LSAMP: variants seen among roughly 807,000 people sequenced by gnomAD.
The protein encoded by LSAMP is limbic system associated membrane protein, also known as limbic system-associated membrane protein.
A neutral mutation model predicts 38.6 loss-of-function variants in LSAMP; 7 were observed. The observed-to-expected ratio is 0.18, with a 90% CI of 0.10 to 0.34. LSAMP has a LOEUF of 0.34. LSAMP is among the 10% of genes least tolerant of loss of function. The probability of loss-of-function intolerance (pLI) is 1.00; values close to 1 mark genes in which losing one functional copy is unlikely to be tolerated. For missense variants in LSAMP, 313 were observed against 420.0 expected (o/e 0.75, Z 2.23); for synonymous variants, 154 against 166.8 (o/e 0.92, Z 0.59).
intron 3 of LSAMP, among the ~76,000 whole-genome samples, chr3:115,890,280 A>G (rs1936562387): frequency 6.6e-6 from 1 of 151,952 alleles, no homozygotes; most frequent in Non-Finnish European, 1.5e-5. Flanking sequence ...ATATCGGAGC[A>G]TCAACCAGCT....
chr3:115,939,740 G>A (rs546854975), intron 3 of LSAMP, among the ~76,000 whole-genome samples: 1 of 152,036 alleles, frequency 6.6e-6, no homozygotes, highest in Admixed American at 6.6e-5. Context: ...TTTTATTTTT[G>A]TAGAGATGGG....
At chr3:116,086,923 T>G (rs72959752) in intron 1 of LSAMP, among the ~76,000 whole-genome samples, 16,372 of 152,110 alleles carry the variant, frequency 0.11, 2,834 homozygotes, top group African/African-American at 0.37. Context: ...TCATAGCACT[T>G]TTACTCCATC....
rs545325352 is a variant in LSAMP, at chr3:116,153,728, T to C, written c.156-67172A>G. Among the ~76,000 whole-genome samples, 30 of 152,246 alleles carry C rather than the reference T, an allele frequency of 2.0e-4. No individual in the cohort carries two copies. In the South Asian group the frequency reaches 5.8e-3, roughly 29 times the overall value. ...AAAAATTAAAACATAGTTTTAACTC[T>C]TTGGCTTTCACTTAAGCTTAAATTA... On this transcript the variant is annotated intron_variant, in intron 1 of 6. Coordinates refer to ENST00000490035, the MANE Select transcript of LSAMP (RefSeq NM_002338.5).
intron 6 of LSAMP, among the ~76,000 whole-genome samples, chr3:115,824,930 T>C (rs964857421): frequency 5.3e-5 from 8 of 152,334 alleles, no homozygotes; most frequent in African/African-American, 1.9e-4. Context: ...TTACATTCTT[T>C]CTGGTCTTAC....
At chr3:116,016,881 C>A (rs1940499084) in intron 3 of LSAMP, among the ~76,000 whole-genome samples, 1 of 152,038 alleles carries the variant, frequency 6.6e-6, no homozygotes, top group African/African-American at 2.4e-5. Context: ...ATGGAGCAGA[C>A]TAAATTTGAT....
At chr3:115,857,852 A>G (rs988502870) in intron 3 of LSAMP, among the ~76,000 whole-genome samples, 3 of 152,200 alleles carry the variant, frequency 2.0e-5, no homozygotes, top group Non-Finnish European at 4.4e-5. Context: ...AGCTAATGGC[A>G]AGAGAAAAGT....
chr3:115,846,038 T>C (rs576450744), intron 4 of LSAMP, among the ~76,000 whole-genome samples: 38 of 152,362 alleles, frequency 2.5e-4, no homozygotes, highest in African/African-American at 8.2e-4. Flanking sequence ...TATTTTTTCA[T>C]GGCTTATTGA....
At chr3:116,022,536 CT>C (rs1440566405) in intron 2 of LSAMP, among the ~76,000 whole-genome samples, 2 of 152,172 alleles carry the variant, frequency 1.3e-5, no homozygotes, top group Non-Finnish European at 2.9e-5. Context: ...GTATTTGGCT[CT>C]GTTGATGCTC....
In LSAMP at chr3:115,852,487, C is replaced by T. The variant is rs1347649169; in HGVS notation, c.645G>A (p.Val215=). The change falls in exon 4 of 7, where the codon GTG becomes GTA. Residue 215 remains valine, a synonymous_variant. Transcript: ENST00000490035. ...SADVKQVKVT[V]NYPPTITESK... ...GCTGGCTCCTGCCGTACTCACAGTT[C>T]ACAGTGACCTTGACTTGTTTGACAT... is the stretch of plus-strand genomic sequence containing the variant. 1.2e-6 allele frequency: 2 copies of T among 1,611,130 alleles called. No individual in the cohort carries two copies. Among genetic ancestry groups the T allele is most frequent in the South Asian group, 1.1e-5 (1 of 90,472 alleles).
At chr3:116,280,355 A>G (rs78790746) in intron 1 of LSAMP, among the ~76,000 whole-genome samples, 4,737 of 152,180 alleles carry the variant, frequency 0.031, 245 homozygotes, top group African/African-American at 0.1. Flanking sequence ...AGAGACCTGA[A>G]CTCAACTTCC....
chr3:116,113,420 A>ATATATATATATATAT (rs1553705042), intron 1 of LSAMP, among the ~76,000 whole-genome samples: 1 of 51,044 alleles, frequency 2.0e-5, no homozygotes, highest in African/African-American at 9.6e-5. Context: ...ATATATATAT[A>ATATATATATATATAT]TTTTTTTTTT....
At chr3:116,413,242 A>ATT (rs398106339) in intron 1 of LSAMP, among the ~76,000 whole-genome samples, 1 of 45,020 alleles carries the variant, frequency 2.2e-5, no homozygotes, top group African/African-American at 1.0e-4. Flanking sequence ...TTTTCATGAC[A>ATT]TTATATATAT....
At chr3:116,309,119 T>C (rs1342468946) in intron 1 of LSAMP, among the ~76,000 whole-genome samples, 1 of 152,104 alleles carries the variant, frequency 6.6e-6, no homozygotes, top group Non-Finnish European at 1.5e-5. Context: ...TTCACATTAA[T>C]ATTTAAATAT....
intron 1 of LSAMP, among the ~76,000 whole-genome samples, chr3:116,357,072 C>A (rs549493172): frequency 1.3e-5 from 2 of 152,118 alleles, no homozygotes; most frequent in Non-Finnish European, 2.9e-5. Context: ...GGATTACAAG[C>A]GTGAGCCATC....
chr3:116,042,087 T>C (rs1941187266), intron 2 of LSAMP, among the ~76,000 whole-genome samples: 1 of 152,226 alleles, frequency 6.6e-6, no homozygotes, highest in Non-Finnish European at 1.5e-5. Flanking sequence ...TGTTAGGTGA[T>C]GAACAGGATC....
At chr3:115,833,958 T>A (rs79951562) in intron 6 of LSAMP, among the ~76,000 whole-genome samples, 2 of 152,138 alleles carry the variant, frequency 1.3e-5, no homozygotes, top group African/African-American at 4.8e-5. Flanking sequence ...TTTGAGTGCA[T>A]AGAAAGTTTA....
intron 1 of LSAMP, among the ~76,000 whole-genome samples, chr3:116,313,153 C>T (rs535624172): frequency 3.9e-4 from 59 of 152,186 alleles, no homozygotes; most frequent in African/African-American, 1.1e-3. Context: ...CCCATGAAGG[C>T]CTGGTTATGG....
chr3:116,132,723 C>A (rs1019037921), intron 1 of LSAMP, among the ~76,000 whole-genome samples: 2 of 152,074 alleles, frequency 1.3e-5, no homozygotes, highest in African/African-American at 2.4e-5. Context: ...ACTTTTATTT[C>A]TCTGAAACTA....
At chr3:116,331,990 A>G (rs2047859064) in intron 1 of LSAMP, among the ~76,000 whole-genome samples, 3 of 151,976 alleles carry the variant, frequency 2.0e-5, no homozygotes, top group African/African-American at 7.2e-5. Context: ...AGAACATGCC[A>G]TCACAATGAG....
Sources: allele counts gnomAD v4.1 joint callset (sites outside exome capture counted in the v4.1 genomes callset), GRCh38; gene constraint gnomAD v4.1.1; transcripts MANE v1.5; gene names NCBI Gene and HGNC (gene_info 2026-07-23, HGNC 2026-07-21).